Variants in GPHN observed in about 807,000 individuals in gnomAD.
GPHN encodes gephyrin.
Under a neutral mutation model 95.5 loss-of-function variants are expected in GPHN, and 17 were observed. That is an observed-to-expected ratio of 0.18 (90% confidence interval 0.12 to 0.27). The LOEUF (loss-of-function observed/expected upper bound fraction) is 0.27, where lower values mean the gene tolerates loss of function less well. GPHN is among the 10% of genes least tolerant of loss of function. GPHN has a pLI of 1.00. For synonymous variants in GPHN, 320 were observed against 322.5 expected (o/e 0.99, Z 0.08); for missense variants, 660 against 978.1 (o/e 0.67, Z 4.34).
At chr14:66,729,878 G>C (rs1478859960) in intron 2 of GPHN, among the ~76,000 whole-genome samples, 1 of 152,128 alleles carries the variant, frequency 6.6e-6, no homozygotes, top group Non-Finnish European at 1.5e-5. Flanking sequence ...CATGGATACT[G>C]GTAGAAAATT....
At chr14:66,663,156 C>T (rs1485822985) in intron 1 of GPHN, among the ~76,000 whole-genome samples, 1 of 152,124 alleles carries the variant, frequency 6.6e-6, no homozygotes, top group East Asian at 1.9e-4. Flanking sequence ...AGAAGATCAT[C>T]CCCAAGACAC....
intron 12 of GPHN, among the ~76,000 whole-genome samples, chr14:67,095,795 G>T (rs1235495452): frequency 1.3e-5 from 2 of 151,928 alleles, no homozygotes; most frequent in Non-Finnish European, 2.9e-5. Flanking sequence ...GGGGGGAGCA[G>T]GGAGGGATAG....
At chr14:67,161,100 C>A (rs1260150403) in intron 19 of GPHN, among the ~76,000 whole-genome samples, 1 of 152,108 alleles carries the variant, frequency 6.6e-6, no homozygotes, top group Non-Finnish European at 1.5e-5. Context: ...CCAGACTATC[C>A]TGAGCAACAT....
intron 9 of GPHN, among the ~76,000 whole-genome samples, chr14:67,014,302 A>T (rs2073180048): frequency 6.6e-6 from 1 of 152,168 alleles, no homozygotes; most frequent in African/African-American, 2.4e-5. Context: ...TATGAGATAG[A>T]TGTTATTATT....
the GPHN span, chr14:67,454,589 A>G: frequency 1.3e-5 from 2 of 152,200 alleles, no homozygotes; most frequent in East Asian, 3.9e-4. Context: ...ACAAATGGGC[A>G]TCTCTCATGT....
At chr14:66,828,021 G>A (rs1187182311) in intron 4 of GPHN, among the ~76,000 whole-genome samples, 1 of 151,688 alleles carries the variant, frequency 6.6e-6, no homozygotes, top group African/African-American at 2.4e-5. Context: ...TTATATTAGA[G>A]GTTTCTTAAA....
At chr14:67,580,908 T>G in the GPHN span, 1 of 1,455,146 alleles carries the variant, frequency 6.9e-7, no homozygotes, top group Non-Finnish European at 9.7e-7. Flanking sequence ...ATCAGGAAAT[T>G]TTCTGACTTT....
chr14:67,645,754 TCTC>T, the GPHN span: 2 of 1,613,934 alleles, frequency 1.2e-6, no homozygotes. Context: ...CATCAGGAAA[TCTC>T]CATGGACAGC....
chr14:67,264,456 G>A, the GPHN span, among the ~76,000 whole-genome samples: 16 of 144,354 alleles, frequency 1.1e-4, no homozygotes, highest in Non-Finnish European at 7.4e-5. Flanking sequence ...CCAGACCCAT[G>A]TTGTGTTATT....
intron 5 of GPHN, among the ~76,000 whole-genome samples, chr14:66,904,321 G>A (rs371390254): frequency 1.1e-4 from 16 of 152,104 alleles, no homozygotes; most frequent in East Asian, 5.8e-4. Flanking sequence ...ATTTGTCCCC[G>A]CCCATGTCCT....
the GPHN span, chr14:67,271,679 T>A: frequency 6.6e-6 from 1 of 152,184 alleles, no homozygotes; most frequent in East Asian, 1.9e-4. Context: ...TTAGTTAGAA[T>A]TGAAAACAGG....
At chr14:66,720,034 A>G (rs1268488481) in intron 2 of GPHN, among the ~76,000 whole-genome samples, 1 of 152,150 alleles carries the variant, frequency 6.6e-6, no homozygotes, top group East Asian at 1.9e-4. Context: ...TAATTTATAC[A>G]TTATTTCCAA....
chr14:67,585,404 A>G, the GPHN span: 3 of 596,378 alleles, frequency 5.0e-6, no homozygotes, highest in Admixed American at 6.1e-5. Context: ...AGCCTTGTCT[A>G]TTTCCTGCAT....
chr14:67,528,580 G>T, the GPHN span, among the ~76,000 whole-genome samples: 1 of 152,308 alleles, frequency 6.6e-6, no homozygotes, highest in East Asian at 1.9e-4. Flanking sequence ...TAGAATTGCA[G>T]TCAGATGGCT....
chr14:67,199,148 G>T, the GPHN span: 1 of 1,548,422 alleles, frequency 6.5e-7, no homozygotes, highest in South Asian at 1.1e-5. Flanking sequence ...AACCGCTACT[G>T]TGGGAACTGT....
chr14:66,652,783 AGACTCCTATCCTGCAGG>A (rs988734900), intron 1 of GPHN, among the ~76,000 whole-genome samples: 2 of 152,152 alleles, frequency 1.3e-5, no homozygotes, highest in African/African-American at 4.8e-5. Flanking sequence ...CAGATCAGAC[AGACTCCTATCCTGCAGG>A]AAAGGTAGCC....
intron 8 of GPHN, among the ~76,000 whole-genome samples, chr14:66,925,353 A>G (rs1262837454): frequency 6.6e-6 from 1 of 152,128 alleles, no homozygotes; most frequent in South Asian, 2.1e-4. Flanking sequence ...CTGTTGTGCT[A>G]TCTAGATCTT....
the GPHN span, chr14:67,454,224 C>CTT: frequency 6.6e-6 from 1 of 152,326 alleles, no homozygotes; most frequent in South Asian, 2.1e-4. Flanking sequence ...TTACAAGGCA[C>CTT]TTAGAACAAT....
the GPHN span, among the ~76,000 whole-genome samples, chr14:67,307,452 AAC>A: frequency 6.6e-6 from 1 of 152,248 alleles, no homozygotes; most frequent in African/African-American, 2.4e-5. Context: ...CCAGAAAATT[AAC>A]AGATTATTGA....
Sources: allele counts gnomAD v4.1 joint callset (sites outside exome capture counted in the v4.1 genomes callset), GRCh38; gene constraint gnomAD v4.1.1; transcripts MANE v1.5; gene names NCBI Gene and HGNC (gene_info 2026-07-23, HGNC 2026-07-21).